The following ODAD2 variants were observed in gnomAD, a reference collection of about 807,000 sequenced individuals.
ODAD2 encodes outer dynein arm-docking complex subunit 2.
In ODAD2, 89 loss-of-function variants were observed where a neutral mutation model predicts 106.8. That is an observed-to-expected ratio of 0.83 (90% CI 0.70 to 0.99). ODAD2 has a LOEUF of 0.99. Among genes scored for constraint, ODAD2 ranks in the 50% least tolerant of loss-of-function variants. The pLI is 0.00. For missense variants in ODAD2, 1,168 were observed against 1,238.5 expected (o/e 0.94, Z 0.85); for synonymous variants, 404 against 436.2 (o/e 0.93, Z 0.92).
rs35242712 is a variant in ODAD2 at position 27,935,146 on chromosome 10, G to A, written c.2359C>T (p.Arg787Cys). 53,136 of 1,613,870 alleles carry A rather than the reference G, an allele frequency of 0.033. 2,096 individuals carry two copies. The highest frequency in any genetic ancestry group is 0.2 in the East Asian group (8,981 of 44,856). The change falls in exon 16 of 20, where the codon CGT becomes TGT. Residue 787 changes from arginine (R) to cysteine (C), a missense_variant. By Grantham distance (180) the Arg-to-Cys change is radical. This residue lies in a region of ODAD2 where 701 missense variants were observed against 712.3 expected (regional missense o/e 0.98). Coordinates refer to ENST00000305242, the MANE Select transcript of ODAD2 (RefSeq NM_018076.5). ...VGALGECCQE[R>C]ENRVIVRKCG... ...TTCCGGACAATGACTCGGTTTTCAC[G>A]TTCTTGGCAGCATTCTCCCAAGGCC...
At chr10:27,990,819 C>A (rs1284627502) in intron 2 of ODAD2, among the ~76,000 whole-genome samples, 1 of 152,140 alleles carries the variant, frequency 6.6e-6, no homozygotes, top group Non-Finnish European at 1.5e-5. Flanking sequence ...GACCTGACTT[C>A]CTGTCCCAAC....
At chr10:27,909,928 G>A (rs961965635) in intron 16 of ODAD2, among the ~76,000 whole-genome samples, 1 of 151,714 alleles carries the variant, frequency 6.6e-6, no homozygotes, top group East Asian at 1.9e-4. Flanking sequence ...ACAAAGTCAG[G>A]AGTAGTAAGT....
At chr10:27,873,820 A>C (rs1841100122) in intron 17 of ODAD2, among the ~76,000 whole-genome samples, 1 of 152,216 alleles carries the variant, frequency 6.6e-6, no homozygotes, top group Non-Finnish European at 1.5e-5. Flanking sequence ...TGCTGAGAAG[A>C]ATGCATATTC....
intron 10 of ODAD2, among the ~76,000 whole-genome samples, chr10:27,956,075 C>T (rs983452361): frequency 7.9e-5 from 12 of 152,180 alleles, no homozygotes; most frequent in South Asian, 4.1e-4. Context: ...GTGAAATCCA[C>T]GCCAGTGTTT....
At chr10:27,938,253 TTGGAGA>T (rs1846136272) in intron 14 of ODAD2, among the ~76,000 whole-genome samples, 1 of 152,120 alleles carries the variant, frequency 6.6e-6, no homozygotes, top group Admixed American at 6.5e-5. Flanking sequence ...GTGACTGTAT[TTGGAGA>T]CAGAGTTTTT....
At chr10:27,841,504 T>G (rs1018402183) in intron 19 of ODAD2, among the ~76,000 whole-genome samples, 2 of 152,170 alleles carry the variant, frequency 1.3e-5, no homozygotes, top group African/African-American at 2.4e-5. Flanking sequence ...CAAGCAATTC[T>G]CCTGCTTCGG....
intron 16 of ODAD2, among the ~76,000 whole-genome samples, chr10:27,921,786 T>A (rs1844799915): frequency 6.8e-6 from 1 of 147,918 alleles, no homozygotes. Flanking sequence ...TAGACAAGCA[T>A]CAGACTTTTC....
Position 27,914,135 on chromosome 10 carries a change from G to A in ODAD2, c.2496-6358C>T, listed in dbSNP as rs564991817. Among the ~76,000 whole-genome samples the A allele has an allele frequency of 2.4e-3, 363 of 152,094 alleles. 2 individuals are homozygous for A. The highest frequency in any genetic ancestry group is 4.4e-3 in the Non-Finnish European group (299 of 67,980). ...AGAAAATGTACATACAAACCATGGA[G>A]TACTACACAGCCATAAAAAAGAATG... On this transcript the variant is annotated intron_variant, in intron 16 of 19. Transcript: ENST00000305242.
chr10:27,839,232 T>A (rs1838130857), intron 19 of ODAD2, among the ~76,000 whole-genome samples: 1 of 152,186 alleles, frequency 6.6e-6, no homozygotes, highest in Non-Finnish European at 1.5e-5. Flanking sequence ...CTGGCAGTGA[T>A]TCTATAGTAA....
chr10:27,994,214 G>T (rs1449571862), intron 2 of ODAD2, among the ~76,000 whole-genome samples: 4 of 151,856 alleles, frequency 2.6e-5, no homozygotes, highest in Non-Finnish European at 5.9e-5. Context: ...GCTCTAATCT[G>T]AGGACACCAG....
rs138548475 is a variant in ODAD2, at chr10:27,924,180, C to G, written c.2495+10830G>C. Among the ~76,000 whole-genome samples the G allele has an allele frequency of 3.6e-3, 550 of 151,910 alleles. 1 individual carries two copies. Among genetic ancestry groups the G allele is most frequent in the African/African-American group, 0.013 (537 of 41,446 alleles). On this transcript the variant is annotated intron_variant, in intron 16 of 19. Transcript: ENST00000305242. ...GTTGAAATAAAAAAGTCAACACACT[C>G]TGATCAAAATGTAGTATGAGAAATA...
intron 17 of ODAD2, among the ~76,000 whole-genome samples, chr10:27,894,280 A>AAG (rs1276326440): frequency 3.3e-5 from 5 of 152,156 alleles, no homozygotes; most frequent in African/African-American, 1.2e-4. Context: ...AAGTGGGGAA[A>AAG]GTTTTGGATA....
intron 16 of ODAD2, among the ~76,000 whole-genome samples, chr10:27,908,507 G>T (rs1168908725): frequency 1.3e-5 from 2 of 152,142 alleles, no homozygotes; most frequent in Non-Finnish European, 2.9e-5. Flanking sequence ...CAGCGGAGAA[G>T]AAGGCCAAAC....
At chr10:27,962,390 A>T (rs899097411) in intron 9 of ODAD2, among the ~76,000 whole-genome samples, 11 of 152,184 alleles carry the variant, frequency 7.2e-5, no homozygotes, top group African/African-American at 2.7e-4. Context: ...GACAGCTCAG[A>T]TATTGACTAT....
rs772056135 is a variant in ODAD2 at position 27,993,372 on chromosome 10, G to A, written c.224+1547C>T. Among the ~76,000 whole-genome samples the A allele has an allele frequency of 3.5e-4, 53 of 152,258 alleles. 1 individual carries two copies. The highest frequency in any genetic ancestry group is 5.0e-4 in the Non-Finnish European group (34 of 68,024). ...CATTAGAAAAATAAGATTTCAGGCC[G>A]GGCGTGGTGGTTCACACCTGTAATT... On this transcript the variant is annotated intron_variant, in intron 2 of 19. Coordinates refer to ENST00000305242, the MANE Select transcript of ODAD2 (RefSeq NM_018076.5).
intron 19 of ODAD2, among the ~76,000 whole-genome samples, chr10:27,816,477 A>T (rs1384289123): frequency 6.6e-6 from 1 of 152,174 alleles, no homozygotes; most frequent in Non-Finnish European, 1.5e-5. Flanking sequence ...ACTGTGATTC[A>T]TTTGAACAGC....
intron 19 of ODAD2, among the ~76,000 whole-genome samples, chr10:27,852,840 A>T (rs1217208907): frequency 6.6e-6 from 1 of 152,008 alleles, no homozygotes; most frequent in Non-Finnish European, 1.5e-5. Flanking sequence ...ATGAGCCTGT[A>T]ATCTCAGCTA....
intron 17 of ODAD2, among the ~76,000 whole-genome samples, chr10:27,893,248 T>C (rs1842672898): frequency 6.6e-6 from 1 of 152,154 alleles, no homozygotes; most frequent in African/African-American, 2.4e-5. Flanking sequence ...CTAGAAGCAA[T>C]ATTCACATCT....
At chr10:27,830,588 C>T (rs1345564479) in intron 19 of ODAD2, among the ~76,000 whole-genome samples, 2 of 152,170 alleles carry the variant, frequency 1.3e-5, no homozygotes, top group African/African-American at 2.4e-5. Flanking sequence ...TTCAGGCAGC[C>T]TAGTGAAACA....
Sources: gnomAD v4.1 joint callset for allele counts (sites outside exome capture counted in the v4.1 genomes callset) on GRCh38, gnomAD v4.1.1 for gene constraint, gnomAD v4.1.1 regional missense constraint, MANE v1.5 for transcripts, NCBI Gene and HGNC (gene_info 2026-07-23, HGNC 2026-07-21) for gene names.